Variants in RIN2 observed in about 807,000 individuals in gnomAD.
The protein encoded by RIN2 is Ras and Rab interactor 2.
Under a neutral mutation model 78.0 loss-of-function variants are expected in RIN2, and 36 were observed. The ratio of observed to expected loss-of-function variants is 0.46; its 90% CI spans 0.35 to 0.61. The LOEUF is 0.61. Among genes scored for constraint, RIN2 ranks in the 20% least tolerant of loss-of-function variants. The pLI is 0.00. For synonymous variants in RIN2, 466 were observed against 466.8 expected (o/e 1.00, Z 0.02); for missense variants, 1,087 against 1,159.7 (o/e 0.94, Z 0.91).
chr20:19,777,218 G>A (rs988541642), intron 1 of RIN2, among the ~76,000 whole-genome samples: 2 of 152,190 alleles, frequency 1.3e-5, no homozygotes, highest in East Asian at 1.9e-4. Context: ...GAAGGGCACA[G>A]GTGGAACCCC....
chr20:19,914,104 C>A (rs1304108374), intron 3 of RIN2, among the ~76,000 whole-genome samples: 1 of 152,180 alleles, frequency 6.6e-6, no homozygotes, highest in Non-Finnish European at 1.5e-5. Context: ...ACAGTATTAT[C>A]AGTTCAGTGA....
chr20:19,758,275 T>TG lies in RIN2; in HGVS notation c.-211dup, dbSNP rs2033460313. ...GGAAACCCAGCCCCGCGCTCGTCTTTGGGGCCACCGGTCGCCCCCGCCTCC... is the reference window on the plus strand; with the variant it reads ...GGAAACCCAGCCCCGCGCTCGTCTTTGGGGGCCACCGGTCGCCCCCGCCTCC... On this transcript the variant is annotated 5_prime_UTR_variant, in exon 1 of 13. Coordinates refer to ENST00000255006, the MANE Select transcript of RIN2 (RefSeq NM_018993.4). 6.6e-6 allele frequency: 1 copy of TG among 152,074 alleles called. No homozygotes were observed. The highest frequency in any genetic ancestry group is 2.1e-4 in the South Asian group (1 of 4,818). 9.4% of individuals were successfully genotyped at this position (152,074 alleles called of 1,614,324 possible). A position where few individuals can be genotyped will look rare whatever the true frequency, so the allele number is the denominator to read the frequency against.
Position 19,811,679 on chromosome 20 carries a change from G to A in RIN2, c.-37+11932G>A, listed in dbSNP as rs772533494. Among the ~76,000 whole-genome samples the A allele has an allele frequency of 4.6e-5, 7 of 152,186 alleles. 1 individual carries two copies. In the East Asian group the frequency reaches 1.2e-3, roughly 25 times the overall value. Reference sequence around the variant, plus strand: ...CTGAATGGAGAAATGAGATCTTTTCGTTCATGGCTATTTGAGTTACTTAAA... The same window carrying A: ...CTGAATGGAGAAATGAGATCTTTTCATTCATGGCTATTTGAGTTACTTAAA... On this transcript the variant is annotated intron_variant, in intron 2 of 12. Coordinates refer to ENST00000255006, the MANE Select transcript of RIN2 (RefSeq NM_018993.4).
chr20:19,993,763 GAGA>G (rs2042870874), intron 11 of RIN2, among the ~76,000 whole-genome samples: 1 of 151,998 alleles, frequency 6.6e-6, no homozygotes, highest in Non-Finnish European at 1.5e-5. Flanking sequence ...CAGGGACCAA[GAGA>G]AGCATGTTAG....
rs574068841 is a variant in RIN2, at chr20:19,775,893, G to A, written c.-163+17566G>A. On this transcript the variant is annotated intron_variant, in intron 1 of 12. Transcript: ENST00000255006. ...CCCTCCACAGGCTGTCAGAGCCTCC[G>A]GCTTCGCTCCACCCAGGCAATCTGG... is the stretch of plus-strand genomic sequence containing the variant. 2.8e-4 allele frequency among the ~76,000 whole-genome samples: 42 copies of A among 152,346 alleles called. No individual in the cohort carries two copies. In the Middle Eastern group the frequency reaches 0.01, roughly 37 times the overall value.
chr20:19,984,714 C>A (rs2042572206), intron 9 of RIN2, among the ~76,000 whole-genome samples: 1 of 152,048 alleles, frequency 6.6e-6, no homozygotes, highest in Admixed American at 6.5e-5. Context: ...TTGCAGTGAG[C>A]CAAAATTGTG....
At chr20:19,844,692 C>CTTCTTCTTCT (rs1555832328) in intron 2 of RIN2, among the ~76,000 whole-genome samples, 1 of 117,624 alleles carries the variant, frequency 8.5e-6, no homozygotes, top group African/African-American at 3.3e-5. Flanking sequence ...CTTCCTCTTC[C>CTTCTTCTTCT]TCTTCCTCTT....
intron 2 of RIN2, chr20:19,823,401 C>A (rs970179669): frequency 6.9e-6 from 4 of 579,764 alleles, no homozygotes; most frequent in Non-Finnish European, 1.2e-5. Context: ...TTTTTTTTTT[C>A]TTTTTTTGTC....
At chr20:19,856,715 T>C (rs2037181586) in intron 2 of RIN2, among the ~76,000 whole-genome samples, 1 of 152,108 alleles carries the variant, frequency 6.6e-6, no homozygotes, top group African/African-American at 2.4e-5. Flanking sequence ...AAAATAATGA[T>C]GTCCTTTACT....
intron 3 of RIN2, among the ~76,000 whole-genome samples, chr20:19,934,786 A>G (rs936482094): frequency 1.1e-4 from 17 of 151,962 alleles, no homozygotes; most frequent in African/African-American, 3.9e-4. Context: ...ATTCATGTTG[A>G]GAAAGCTAAC....
At chr20:19,836,161 G>T (rs1448804858) in intron 2 of RIN2, among the ~76,000 whole-genome samples, 1 of 152,214 alleles carries the variant, frequency 6.6e-6, no homozygotes, top group African/African-American at 2.4e-5. Flanking sequence ...GGTGACATCA[G>T]ATGCTGCACA....
chr20:19,999,256 G>A (rs572539420), intron 12 of RIN2, among the ~76,000 whole-genome samples: 1 of 151,948 alleles, frequency 6.6e-6, no homozygotes, highest in Admixed American at 6.6e-5. Flanking sequence ...AGTCAAACAG[G>A]GATTATGTAG....
chr20:19,769,168 C>T (rs912824635), intron 1 of RIN2, among the ~76,000 whole-genome samples: 5 of 151,898 alleles, frequency 3.3e-5, no homozygotes, highest in Admixed American at 6.6e-5. Flanking sequence ...GTGATCCACG[C>T]GCCTTGGCCA....
chr20:19,900,876 G>A (rs1044562542), intron 3 of RIN2, among the ~76,000 whole-genome samples: 3 of 148,470 alleles, frequency 2.0e-5, no homozygotes, highest in African/African-American at 7.6e-5. Context: ...CTTGAACCCG[G>A]GAGGCGGAGG....
chr20:19,924,307 CCTTCATACCCCCACCTTCATACCGCACCT>C (rs2040085238), intron 3 of RIN2, among the ~76,000 whole-genome samples: 1 of 43,358 alleles, frequency 2.3e-5, no homozygotes, highest in East Asian at 1.2e-3. Context: ...CCATACTCCA[CCTTCATACCCCCACCTTCATACCGCACCT>C]CTTCATACCC....
chr20:19,830,094 A>G (rs1568791744), intron 2 of RIN2, among the ~76,000 whole-genome samples: 1 of 152,248 alleles, frequency 6.6e-6, no homozygotes, highest in Admixed American at 6.5e-5. Context: ...GGGATACCCA[A>G]ATGATAGCAG....
chr20:19,767,801 C>G (rs1244795775), intron 1 of RIN2, among the ~76,000 whole-genome samples: 1 of 151,220 alleles, frequency 6.6e-6, no homozygotes, highest in East Asian at 1.9e-4. Flanking sequence ...GGCAGGTGCC[C>G]ATAATCCCAG....
intron 4 of RIN2, among the ~76,000 whole-genome samples, chr20:19,940,575 C>T (rs897316741): frequency 6.6e-6 from 1 of 152,170 alleles, no homozygotes; most frequent in Non-Finnish European, 1.5e-5. Context: ...AATGGAAGCC[C>T]GTAAGCCAGG....
chr20:19,792,947 G>GTGTGTA (rs2034934803), intron 1 of RIN2, among the ~76,000 whole-genome samples: 1 of 151,740 alleles, frequency 6.6e-6, no homozygotes, highest in African/African-American at 2.4e-5. Flanking sequence ...CACTGTGTGT[G>GTGTGTA]TGTGTGTGTG....
Sources: allele counts gnomAD v4.1 joint callset (sites outside exome capture counted in the v4.1 genomes callset), GRCh38; gene constraint gnomAD v4.1.1; transcripts MANE v1.5; gene names NCBI Gene and HGNC (gene_info 2026-07-23, HGNC 2026-07-21).